The following CORO2B variants were observed in gnomAD, a reference collection of about 807,000 sequenced individuals.
CORO2B encodes the protein coronin 2B.
A neutral mutation model predicts 58.8 loss-of-function variants in CORO2B; 26 were observed. The observed-to-expected ratio is 0.44, with a 90% CI of 0.32 to 0.61. The LOEUF is 0.61. Among genes scored for constraint, CORO2B ranks in the 20% least tolerant of loss-of-function variants. CORO2B has a pLI of 0.04. For synonymous variants in CORO2B, 242 were observed against 253.8 expected (o/e 0.95, Z 0.44); for missense variants, 460 against 645.1 (o/e 0.71, Z 3.11).
the CORO2B span, among the ~76,000 whole-genome samples, chr15:68,524,689 G>A: frequency 6.6e-6 from 1 of 152,256 alleles, no homozygotes; most frequent in East Asian, 1.9e-4. Flanking sequence ...GGTAGAGGAG[G>A]CCTAACTAAA....
intron 2 of CORO2B, among the ~76,000 whole-genome samples, chr15:68,663,695 A>AT (rs1369415151): frequency 6.6e-6 from 1 of 152,226 alleles, no homozygotes; most frequent in Non-Finnish European, 1.5e-5. Context: ...AGGGATTAGT[A>AT]TTCATAATAT....
the CORO2B span, among the ~76,000 whole-genome samples, chr15:68,554,381 C>T: frequency 6.6e-6 from 1 of 152,066 alleles, no homozygotes; most frequent in Non-Finnish European, 1.5e-5. Flanking sequence ...CCAAAGAGGC[C>T]AGGAGATGTT....
chr15:68,631,915 C>T, intron 1 of CORO2B: 5 of 984,462 alleles, frequency 5.1e-6, no homozygotes, highest in Non-Finnish European at 6.0e-6. Flanking sequence ...GGAATGGCCC[C>T]AGATGGCCAC....
At chr15:68,700,209 G>A (rs1892607630) in intron 3 of CORO2B, among the ~76,000 whole-genome samples, 1 of 152,180 alleles carries the variant, frequency 6.6e-6, no homozygotes, top group Non-Finnish European at 1.5e-5. Context: ...AGGCTTGGGA[G>A]GTCAGTCGGC....
chr15:68,527,048 G>C, the CORO2B span, among the ~76,000 whole-genome samples: 1 of 152,186 alleles, frequency 6.6e-6, no homozygotes, highest in African/African-American at 2.4e-5. Context: ...GACACAGTGA[G>C]AAGGCATCTG....
intron 2 of CORO2B, among the ~76,000 whole-genome samples, chr15:68,657,542 T>G (rs1287832997): frequency 4.8e-5 from 6 of 126,286 alleles, no homozygotes; most frequent in Admixed American, 1.6e-4. Flanking sequence ...AAAAAGGAAA[T>G]ACAGTTATCA....
At chr15:68,619,258 T>C (rs1229998064) in intron 1 of CORO2B, among the ~76,000 whole-genome samples, 2 of 152,204 alleles carry the variant, frequency 1.3e-5, no homozygotes, top group African/African-American at 4.8e-5. Flanking sequence ...CATTTTGCCT[T>C]GCCTTAGATC....
In CORO2B at chr15:68,726,013, C is replaced by G. The variant is rs762566954; in HGVS notation, c.*39C>G. Reference sequence around the variant, plus strand: ...CTGTTTTCTAAGCCGATCTCTCCGTCGTTTCTACTCATCCCTTAACTTCTC... The same window carrying G: ...CTGTTTTCTAAGCCGATCTCTCCGTGGTTTCTACTCATCCCTTAACTTCTC... On this transcript the variant is annotated 3_prime_UTR_variant, in exon 12 of 12. Transcript: ENST00000261861. The G allele has an allele frequency of 2.3e-5, 37 of 1,607,576 alleles. No homozygotes were observed. Among genetic ancestry groups the G allele is most frequent in the Non-Finnish European group, 2.9e-5 (34 of 1,179,560 alleles).
At chr15:68,708,537 AT>A (rs372309594) in intron 3 of CORO2B, among the ~76,000 whole-genome samples, 3 of 149,004 alleles carry the variant, frequency 2.0e-5, no homozygotes, top group Non-Finnish European at 4.5e-5. Context: ...ATTTTTTTGT[AT>A]TTTTTTAGTA....
chr15:68,573,061 G>A, the CORO2B span, among the ~76,000 whole-genome samples: 1 of 152,116 alleles, frequency 6.6e-6, no homozygotes, highest in African/African-American at 2.4e-5. Flanking sequence ...GGGACCAAGA[G>A]GCAGCTGCTC....
chr15:68,701,776 A>G (rs1305182818), intron 3 of CORO2B, among the ~76,000 whole-genome samples: 1 of 151,714 alleles, frequency 6.6e-6, no homozygotes, highest in East Asian at 1.9e-4. Flanking sequence ...GAGCCACTGC[A>G]CCCGGCCTAG....
At chr15:68,692,030 G>C (rs2140310815) in intron 2 of CORO2B, among the ~76,000 whole-genome samples, 1 of 152,352 alleles carries the variant, frequency 6.6e-6, no homozygotes, top group African/African-American at 2.4e-5. Context: ...ATGATGCAGG[G>C]CCTGTCTGCC....
At chr15:68,530,572 C>A in the CORO2B span, among the ~76,000 whole-genome samples, 2 of 152,008 alleles carry the variant, frequency 1.3e-5, no homozygotes, top group East Asian at 3.9e-4. Context: ...TGGAAATCTC[C>A]AACAATAATT....
chr15:68,715,182 C>A, intron 7 of CORO2B, 33 bp from the exon 8 acceptor site: 1 of 1,593,722 alleles, frequency 6.3e-7, no homozygotes, highest in South Asian at 1.1e-5. Context: ...CCCTACCTGC[C>A]ACCTTCCTCA....
At chr15:68,641,615 C>A (rs1259144874) in intron 1 of CORO2B, 2 of 984,874 alleles carry the variant, frequency 2.0e-6, no homozygotes, top group African/African-American at 3.5e-5. Flanking sequence ...GCCGGGTGGG[C>A]TCAGGAGAGC....
chr15:68,619,213 G>C (rs189790251), intron 1 of CORO2B, among the ~76,000 whole-genome samples: 1 of 152,174 alleles, frequency 6.6e-6, no homozygotes. Context: ...TACTCTTCCA[G>C]GGAGCATTCA....
chr15:68,645,084 C>A lies in CORO2B; in HGVS notation c.16-76C>A. ...GCTGCACCTCTGAGCCGCAGCTTCC[C>A]TCCCCCAAGAGCCCAGCCGAGGCCC... On this transcript the variant is annotated intron_variant, in intron 1 of 11. Coordinates refer to ENST00000261861, the MANE Select transcript of CORO2B (RefSeq NM_006091.5). The surrounding 1 kb of genome is among the most constrained non-coding windows in gnomAD (Gnocchi z 4.5). 6.7e-7 allele frequency: 1 copy of A among 1,491,846 alleles called. No homozygotes were observed. Among genetic ancestry groups the A allele is most frequent in the East Asian group, 2.4e-5 (1 of 41,692 alleles). The allele number at this position is 1,491,846 out of a possible 1,614,324, so 92.4% of individuals were successfully genotyped here. A position where few individuals can be genotyped will look rare whatever the true frequency, so the allele number is the denominator to read the frequency against.
At chr15:68,682,021 G>A (rs2140303048) in intron 2 of CORO2B, among the ~76,000 whole-genome samples, 1 of 152,222 alleles carries the variant, frequency 6.6e-6, no homozygotes, top group Admixed American at 6.5e-5. Flanking sequence ...ACCCTGGGTA[G>A]GAGTCTGATT....
At chr15:68,521,870 C>T in the CORO2B span, among the ~76,000 whole-genome samples, 1 of 151,878 alleles carries the variant, frequency 6.6e-6, no homozygotes, top group Non-Finnish European at 1.5e-5. Context: ...GAATTTGAGA[C>T]TAGCCTGGCC....
Sources: allele counts gnomAD v4.1 joint callset (sites outside exome capture counted in the v4.1 genomes callset), GRCh38; gene constraint gnomAD v4.1.1; non-coding constraint Gnocchi (gnomAD v3.1); transcripts MANE v1.5; gene names NCBI Gene and HGNC (gene_info 2026-07-23, HGNC 2026-07-21).